Variants in SLC66A1 observed in about 807,000 individuals in gnomAD.
The protein encoded by SLC66A1 is solute carrier family 66 member 1.
A neutral mutation model predicts 33.0 loss-of-function variants in SLC66A1; 23 were observed. The observed-to-expected ratio is 0.70, with a 90% CI of 0.50 to 0.99. SLC66A1 has a LOEUF of 0.99. Ranked by LOEUF, SLC66A1 falls within the 50% of genes least tolerant of loss-of-function variation. The pLI, the probability that SLC66A1 is intolerant of heterozygous loss-of-function variation, is 0.00. For synonymous variants in SLC66A1, 164 were observed against 175.5 expected (o/e 0.93, Z 0.52); for missense variants, 335 against 383.6 (o/e 0.87, Z 1.06).
chr1:19,328,694 G>C lies in SLC66A1; in HGVS notation c.*51G>C. On this transcript the variant is annotated 3_prime_UTR_variant, in exon 8 of 8. Transcript: ENST00000375153. This position sits in a 1 kb window ranked among gnomAD's most constrained non-coding sequence, Gnocchi z 4.7. The stretch of plus-strand genomic sequence containing the variant: ...ACAGGCACCACCGGATGCCACACCA[G>C]GCAGGAGGAGGTGTGGACAGTGATG... 1 of 1,580,090 alleles carries C rather than the reference G, an allele frequency of 6.3e-7. No individual in the cohort carries two copies. The highest frequency in any genetic ancestry group is 8.7e-7 in the Non-Finnish European group (1 of 1,153,894).
intron 1 of SLC66A1, among the ~76,000 whole-genome samples, chr1:19,313,969 A>G (rs2093791773): frequency 6.6e-6 from 1 of 152,224 alleles, no homozygotes; most frequent in Admixed American, 6.5e-5. Flanking sequence ...TCTAAGCCCC[A>G]GCCCAGGTGC....
intron 1 of SLC66A1, among the ~76,000 whole-genome samples, chr1:19,316,352 T>C (rs1365616458): frequency 8.3e-6 from 1 of 120,060 alleles, no homozygotes; most frequent in Middle Eastern, 3.9e-3. Context: ...CTCTTTATGG[T>C]TTGTGTGTGT....
chr1:19,312,376 C>T lies in SLC66A1; in HGVS notation c.-592C>T, dbSNP rs542476206. On this transcript the variant is annotated 5_prime_UTR_variant, in exon 1 of 8. Transcript: ENST00000375153. The stretch of plus-strand genomic sequence containing the variant: ...TGGACGTGGTGAGCCGGACCGGGGG[C>T]AGGTGGCAAACTTCACGGCTGGGGG... The T allele has an allele frequency of 1.0e-3, 253 of 241,588 alleles. 1 individual carries two copies. The highest frequency in any genetic ancestry group is 5.6e-3 in the African/African-American group (246 of 44,112). The allele number at this position is 241,588 out of a possible 1,614,324, so 15.0% of individuals were successfully genotyped here.
chr1:19,322,211 CTGAT>C (rs2093841485), intron 2 of SLC66A1, among the ~76,000 whole-genome samples: 1 of 150,418 alleles, frequency 6.6e-6, no homozygotes, highest in South Asian at 2.1e-4. Context: ...GTGTAGGTGA[CTGAT>C]GGGGCCGGGG....
intron 6 of SLC66A1, 118 bp from the exon 7 acceptor site, chr1:19,327,109 G>A: frequency 9.4e-7 from 1 of 1,064,240 alleles, no homozygotes; most frequent in South Asian, 1.5e-5. Context: ...GGGCACCCAG[G>A]GAAAGATTGG....
chr1:19,321,164 CTCT>C (rs1251254371), intron 2 of SLC66A1, among the ~76,000 whole-genome samples: 3 of 116,570 alleles, frequency 2.6e-5, no homozygotes, highest in East Asian at 2.2e-4. Context: ...TTATCCTTAT[CTCT>C]TCTTTTTTTT....
At chr1:19,324,408 C>T (rs1402052214) in intron 2 of SLC66A1, among the ~76,000 whole-genome samples, 2 of 152,358 alleles carry the variant, frequency 1.3e-5, no homozygotes, top group African/African-American at 2.4e-5. Flanking sequence ...GAGAGATGCA[C>T]AGCCGTAGAG....
intron 1 of SLC66A1, among the ~76,000 whole-genome samples, chr1:19,315,316 C>T (rs1382863007): frequency 1.3e-5 from 2 of 152,234 alleles, no homozygotes; most frequent in African/African-American, 4.8e-5. Context: ...AGGTGGGCCA[C>T]GAAGACACAG....
At chr1:19,327,932 A>G (rs550250570) in intron 7 of SLC66A1, 1 of 265,922 alleles carries the variant, frequency 3.8e-6, no homozygotes, top group South Asian at 3.9e-5. Flanking sequence ...CTGGGTTCAA[A>G]TCCTGGCTCC....
At chr1:19,333,506 GCCGAGGAAGGGGAGAAAGCCACAA>G (rs2093897550), downstream of SLC66A1, among the ~76,000 whole-genome samples, 1 of 152,112 alleles carries the variant, frequency 6.6e-6, no homozygotes, top group South Asian at 2.1e-4. The surrounding 1 kb of genome is among the most constrained non-coding windows in gnomAD (Gnocchi z 4.2). Context: ...CATTCCTGAA[GCCGAGGAAGGGGAGAAAGCCACAA>G]CCTTCACCAC....
chr1:19,329,983 C>T (rs2473806), downstream of SLC66A1, among the ~76,000 whole-genome samples: 1,057 of 152,174 alleles, frequency 6.9e-3, 14 homozygotes, highest in African/African-American at 0.024. Flanking sequence ...TGTCCAGACC[C>T]TGTTTTATTT....
chr1:19,322,671 CGGGAAAGATG>C (rs1262344219), intron 2 of SLC66A1, among the ~76,000 whole-genome samples: 2 of 152,050 alleles, frequency 1.3e-5, no homozygotes, highest in African/African-American at 2.4e-5. Flanking sequence ...TTTCCTGAGA[CGGGAAAGATG>C]ACTCCGAGGT....
rs2093869534 is a variant in SLC66A1, at chr1:19,326,685, C to T, written c.618+62C>T. On this transcript the variant is annotated intron_variant, in intron 6 of 7. Transcript: ENST00000375153. ...AGGAGAGCTGGCCTGGCCACCCGGGCCCTCTGGGCTAAGGAGTAGCACAGC... is the reference window on the plus strand; with the variant it reads ...AGGAGAGCTGGCCTGGCCACCCGGGTCCTCTGGGCTAAGGAGTAGCACAGC... The T allele has an allele frequency of 3.9e-6, 6 of 1,536,082 alleles. No individual in the cohort carries two copies. The South Asian group carries it at 4.5e-5, about 11-fold the overall frequency.
intron 6 of SLC66A1, 79 bp downstream of exon 6, chr1:19,326,702 T>A: frequency 7.1e-7 from 1 of 1,407,794 alleles, no homozygotes; most frequent in Non-Finnish European, 1.0e-6. Flanking sequence ...GGCTAAGGAG[T>A]AGCACAGCAT....
intron 1 of SLC66A1, among the ~76,000 whole-genome samples, chr1:19,316,385 GTGTGTGTGTT>G (rs2093806025): frequency 7.5e-6 from 1 of 132,946 alleles, no homozygotes; most frequent in South Asian, 2.5e-4. Flanking sequence ...GTGTGTGTGT[GTGTGTGTGTT>G]TTCTTTTAAG....
At chr1:19,319,879 G>A (rs892419547) in intron 2 of SLC66A1, among the ~76,000 whole-genome samples, 3 of 150,210 alleles carry the variant, frequency 2.0e-5, no homozygotes, top group African/African-American at 7.3e-5. Flanking sequence ...CTCCAGCCTG[G>A]GGGACAAGAG....
chr1:19,322,406 C>T (rs1477391433), intron 2 of SLC66A1, among the ~76,000 whole-genome samples: 3 of 152,178 alleles, frequency 2.0e-5, no homozygotes, highest in South Asian at 4.1e-4. Flanking sequence ...GACTCAGTCT[C>T]TCCTGAGTGG....
chr1:19,315,854 ACT>A (rs929966083), intron 1 of SLC66A1, among the ~76,000 whole-genome samples: 8 of 150,152 alleles, frequency 5.3e-5, no homozygotes, highest in Non-Finnish European at 8.9e-5. Context: ...CTTGGGTTTG[ACT>A]CTGTAGTTTC....
chr1:19,327,563 T>TCCCTCC, intron 7 of SLC66A1, 151 bp downstream of exon 7: 1 of 478,998 alleles, frequency 2.1e-6, no homozygotes, highest in Non-Finnish European at 3.3e-6. Context: ...CTCCATCTGT[T>TCCCTCC]CACCCAGTCG....
Sources: gnomAD v4.1 joint callset for allele counts (sites outside exome capture counted in the v4.1 genomes callset) on GRCh38, gnomAD v4.1.1 for gene constraint, Gnocchi (gnomAD v3.1) non-coding constraint, MANE v1.5 for transcripts, NCBI Gene and HGNC (gene_info 2026-07-23, HGNC 2026-07-21) for gene names.